Variants in FRS2 observed in about 807,000 individuals in gnomAD.
FRS2 encodes the protein fibroblast growth factor receptor substrate 2, also known as FGFR signalling adaptor.
Under a neutral mutation model 43.9 loss-of-function variants are expected in FRS2, and 8 were observed. The ratio of observed to expected loss-of-function variants is 0.18; its 90% confidence interval spans 0.11 to 0.33. FRS2 has a LOEUF of 0.33. FRS2 is among the 10% of genes least tolerant of loss of function. The pLI, the probability that FRS2 is intolerant of heterozygous loss-of-function variation, is 1.00. For missense variants in FRS2, 534 were observed against 627.6 expected, an observed-to-expected ratio of 0.85 and a Z score of 1.59; for synonymous variants, 219 against 220.3, an observed-to-expected ratio of 0.99 and a Z score of 0.05.
At chr12:69,476,177 T>C (rs1039932664) in intron 1 of FRS2, among the ~76,000 whole-genome samples, 1 of 152,250 alleles carries the variant, frequency 6.6e-6, no homozygotes, top group African/African-American at 2.4e-5. Context: ...TCTGCCCTTG[T>C]GTTAGCCTAC....
intron 3 of FRS2, among the ~76,000 whole-genome samples, chr12:69,538,220 TATAGCATTGCAGATTATATATATATATAC>T (rs1241860589): frequency 2.6e-3 from 308 of 119,768 alleles, no homozygotes; most frequent in East Asian, 8.1e-3. Context: ...TATATATATA[TATAGCATTGCAGATTATATATATATATAC>T]ATATATATAT....
chr12:69,528,653 CAAAG>C (rs1284794442), intron 1 of FRS2, among the ~76,000 whole-genome samples: 3 of 152,156 alleles, frequency 2.0e-5, no homozygotes, highest in Admixed American at 1.3e-4. Flanking sequence ...TGTTTAGACA[CAAAG>C]AAAGATCTAA....
chr12:69,568,599 GTCTC>G (rs764694284), intron 4 of FRS2, among the ~76,000 whole-genome samples: 7 of 150,526 alleles, frequency 4.7e-5, no homozygotes, highest in Non-Finnish European at 8.9e-5. Context: ...GTCCCTCTCT[GTCTC>G]TCTCTCTCTC....
chr12:69,573,307 A>C (rs1056569163), intron 8 of FRS2, among the ~76,000 whole-genome samples: 2 of 152,188 alleles, frequency 1.3e-5, no homozygotes, highest in Non-Finnish European at 2.9e-5. Context: ...GGATAAACTT[A>C]TCTCTTTTCA....
chr12:69,532,635 T>TATCA (rs780129880), intron 3 of FRS2, among the ~76,000 whole-genome samples: 26 of 152,336 alleles, frequency 1.7e-4, no homozygotes, highest in Admixed American at 7.8e-4. Context: ...CTCTTAATAC[T>TATCA]ATCACATTGG....
intron 8 of FRS2, among the ~76,000 whole-genome samples, chr12:69,572,620 T>G (rs1162978989): frequency 6.6e-6 from 1 of 152,222 alleles, no homozygotes; most frequent in Non-Finnish European, 1.5e-5. Flanking sequence ...TTATAGTCAG[T>G]GAACTACGAG....
At chr12:69,539,035 C>G (rs776760948) in intron 3 of FRS2, among the ~76,000 whole-genome samples, 1 of 152,058 alleles carries the variant, frequency 6.6e-6, no homozygotes, top group Non-Finnish European at 1.5e-5. Context: ...TATCCTTATC[C>G]TAAATGCTTG....
chr12:69,535,311 G>A (rs1280126747), intron 3 of FRS2, among the ~76,000 whole-genome samples: 1 of 152,220 alleles, frequency 6.6e-6, no homozygotes, highest in Non-Finnish European at 1.5e-5. Context: ...AGGCGTTGAT[G>A]TAGATACTTA....
At chr12:69,473,524 T>A (rs1251280928) in intron 1 of FRS2, among the ~76,000 whole-genome samples, 1 of 152,236 alleles carries the variant, frequency 6.6e-6, no homozygotes, top group Non-Finnish European at 1.5e-5. Flanking sequence ...GAATATACTG[T>A]TCATTTTTGG....
intron 3 of FRS2, among the ~76,000 whole-genome samples, chr12:69,557,594 TTGTGTG>T (rs376896422): frequency 4.1e-4 from 56 of 137,074 alleles, no homozygotes; most frequent in South Asian, 1.6e-3. Context: ...TGAAGGTTGA[TTGTGTG>T]TGTGTGTGTG....
At chr12:69,480,737 CT>C (rs1871280738) in intron 1 of FRS2, among the ~76,000 whole-genome samples, 1 of 152,098 alleles carries the variant, frequency 6.6e-6, no homozygotes, top group Non-Finnish European at 1.5e-5. Context: ...TATTCCTTTT[CT>C]TGGTTATGTT....
intron 1 of FRS2, among the ~76,000 whole-genome samples, chr12:69,524,502 C>A (rs1007966365): frequency 6.6e-6 from 1 of 151,872 alleles, no homozygotes; most frequent in East Asian, 1.9e-4. Context: ...TGTGATGCGG[C>A]CCCCAGGAGG....
intron 4 of FRS2, among the ~76,000 whole-genome samples, chr12:69,565,293 G>A (rs901000406): frequency 4.6e-5 from 7 of 152,350 alleles, no homozygotes; most frequent in Middle Eastern, 3.4e-3. Flanking sequence ...TACAGAACTG[G>A]AAGTTGCTCT....
At chr12:69,515,769 CTTT>C (rs60246184) in intron 1 of FRS2, among the ~76,000 whole-genome samples, 1 of 138,426 alleles carries the variant, frequency 7.2e-6, no homozygotes, top group African/African-American at 2.6e-5. Flanking sequence ...TCATTGAGGT[CTTT>C]TTTTTTTTTT....
In FRS2 at chr12:69,577,152, T is replaced by TTTTA. The variant is rs1881248284; in HGVS notation, c.*2201_*2204dup. On this transcript the variant is annotated 3_prime_UTR_variant, in exon 9 of 9. Transcript: ENST00000549921. ...TTGTTTCCCCCGGATTCTAATTAGT[T>TTTTA]TTTATTTTTTTTAGATAACTCCAAT... is the stretch of plus-strand genomic sequence containing the variant. The TTTTA allele has an allele frequency of 6.6e-6, 1 of 152,136 alleles. No individual in the cohort carries two copies. Among genetic ancestry groups the TTTTA allele is most frequent in the East Asian group, 1.9e-4 (1 of 5,198 alleles). 9.4% of individuals were successfully genotyped at this position (152,136 alleles called of 1,614,324 possible).
intron 1 of FRS2, among the ~76,000 whole-genome samples, chr12:69,504,793 C>G (rs1467081583): frequency 6.6e-6 from 1 of 152,120 alleles, no homozygotes; most frequent in Non-Finnish European, 1.5e-5. Flanking sequence ...TCCAGTTCCC[C>G]ACTTTTTAAG....
At chr12:69,517,140 T>C (rs1384817253) in intron 1 of FRS2, among the ~76,000 whole-genome samples, 1 of 152,216 alleles carries the variant, frequency 6.6e-6, no homozygotes, top group Non-Finnish European at 1.5e-5. Flanking sequence ...AGTTACCTTT[T>C]CTGTGTGCAG....
intron 3 of FRS2, among the ~76,000 whole-genome samples, chr12:69,541,327 A>G (rs1877882445): frequency 6.6e-6 from 1 of 152,210 alleles, no homozygotes; most frequent in African/African-American, 2.4e-5. Context: ...TGTGTTTATT[A>G]AAATCTTAAC....
intron 3 of FRS2, among the ~76,000 whole-genome samples, chr12:69,557,617 TGTGC>T (rs1200059288): frequency 3.9e-4 from 46 of 117,068 alleles, no homozygotes; most frequent in East Asian, 1.3e-3. Context: ...TGTGTGTGTG[TGTGC>T]GCGCGCGCGC....
Sources: allele counts gnomAD v4.1 joint callset (sites outside exome capture counted in the v4.1 genomes callset), GRCh38; gene constraint gnomAD v4.1.1; transcripts MANE v1.5; gene names NCBI Gene and HGNC (gene_info 2026-07-23, HGNC 2026-07-21).